MYO9B: variants seen among roughly 807,000 people sequenced by gnomAD.
MYO9B encodes unconventional myosin-IXb.
Under a neutral mutation model 229.5 loss-of-function variants are expected in MYO9B, and 71 were observed. The ratio of observed to expected loss-of-function variants is 0.31; its 90% CI spans 0.26 to 0.38. The LOEUF is 0.38. MYO9B is among the 10% of genes least tolerant of loss of function. The pLI is 1.00. For synonymous variants in MYO9B, 1,185 were observed against 1,235.8 expected (o/e 0.96, Z 0.86); for missense variants, 2,255 against 2,920.5 (o/e 0.77, Z 5.25).
chr19:17,153,476 C>G (rs1489471632), intron 4 of MYO9B, among the ~76,000 whole-genome samples: 1 of 150,812 alleles, frequency 6.6e-6, no homozygotes, highest in African/African-American at 2.4e-5. Flanking sequence ...CACATGAACC[C>G]AGGAGTTCGA....
chr19:17,203,007 G>T, intron 29 of MYO9B, 124 bp downstream of exon 29: 1 of 1,397,908 alleles, frequency 7.2e-7, no homozygotes, highest in South Asian at 1.3e-5. Context: ...GGACACGTGT[G>T]AGTGTGTTTT....
chr19:17,128,306 G>A (rs1426852466), intron 2 of MYO9B, among the ~76,000 whole-genome samples: 2 of 152,046 alleles, frequency 1.3e-5, no homozygotes, highest in African/African-American at 4.8e-5. Context: ...CGGGAGGATC[G>A]CTTAAGCCCA....
chr19:17,153,829 A>G lies in MYO9B; in HGVS notation c.999-138A>G, dbSNP rs114259211. Reference sequence around the variant, plus strand: ...TTGTTTTGTTTTGTTTTTTTAAGACATAGTAAGAACTGACGTACTGTTTTA... The same window carrying G: ...TTGTTTTGTTTTGTTTTTTTAAGACGTAGTAAGAACTGACGTACTGTTTTA... On this transcript the variant is annotated intron_variant, in intron 4 of 39. Coordinates refer to ENST00000682292, the MANE Select transcript of MYO9B (RefSeq NM_004145.4). 0.01 allele frequency: 6,495 copies of G among 642,188 alleles called. 334 individuals carry two copies. The African/African-American group carries it at 0.11, about 10-fold the overall frequency. The allele number at this position is 642,188 out of a possible 1,614,324, so 39.8% of individuals were successfully genotyped here.
chr19:17,144,376 G>A (rs991531268), intron 2 of MYO9B, among the ~76,000 whole-genome samples: 3 of 151,650 alleles, frequency 2.0e-5, no homozygotes, highest in Admixed American at 6.6e-5. Flanking sequence ...AGACCGAGGC[G>A]GGTGGATCAC....
Position 17,185,913 on chromosome 19 carries a change from CT to C in MYO9B, c.2497-6del. On this transcript the variant is annotated splice_region_variant and splice_polypyrimidine_tract_variant and intron_variant, in intron 17 of 39. Transcript: ENST00000682292. The stretch of plus-strand genomic sequence containing the variant: ...TTCAACCCAAATGCTTTCTCTTTCC[CT>C]TAACAGACATCCCTTAACAAGCTCT... 6.2e-7 allele frequency: 1 copy of C among 1,613,034 alleles called. No homozygotes were observed.
chr19:17,086,471 G>A (rs1450443572), intron 1 of MYO9B, among the ~76,000 whole-genome samples: 1 of 152,160 alleles, frequency 6.6e-6, no homozygotes, highest in Admixed American at 6.6e-5. Context: ...GGCTCGTATT[G>A]GGGCCAATTA....
At chr19:17,162,314 C>T (rs368359790) in intron 8 of MYO9B, 36 bp from the exon 9 acceptor site, 65 of 1,512,026 alleles carry the variant, frequency 4.3e-5, no homozygotes, top group Non-Finnish European at 5.5e-5. Context: ...CAGGGCCTGC[C>T]GTGCCGGAGG....
At chr19:17,140,679 G>A (rs1173535378) in intron 2 of MYO9B, among the ~76,000 whole-genome samples, 1 of 151,506 alleles carries the variant, frequency 6.6e-6, no homozygotes, top group Non-Finnish European at 1.5e-5. Context: ...GTAGAGACAG[G>A]GTTTCTCCAT....
intron 30 of MYO9B, 83 bp from the exon 31 acceptor site, chr19:17,205,180 G>T: frequency 9.3e-7 from 1 of 1,073,654 alleles, no homozygotes; most frequent in Non-Finnish European, 1.4e-6. Context: ...GGCAATTGGC[G>T]GCCCCCGGCC....
intron 2 of MYO9B, among the ~76,000 whole-genome samples, chr19:17,131,770 T>C (rs116437138): frequency 1.3e-3 from 195 of 152,280 alleles, no homozygotes; most frequent in African/African-American, 4.5e-3. Context: ...GCCTCTACGT[T>C]AGTTTTACCT....
At chr19:17,200,000 T>C (rs1056647926) in intron 24 of MYO9B, among the ~76,000 whole-genome samples, 7 of 152,116 alleles carry the variant, frequency 4.6e-5, no homozygotes, top group Non-Finnish European at 8.8e-5. Context: ...ACCTCCCAAG[T>C]AGCTGGGACT....
intron 2 of MYO9B, among the ~76,000 whole-genome samples, chr19:17,130,421 T>A (rs10412503): frequency 0.012 from 1,833 of 151,928 alleles, 46 homozygotes; most frequent in African/African-American, 0.04. Context: ...TCGTAGACCA[T>A]CCTGGCTAAC....
chr19:17,102,420 A>G lies in MYO9B; in HGVS notation c.703A>G (p.Ile235Val), dbSNP rs755021698. ...TMLRKRVNQC[I>V]VISGESGSGK... is the part of the protein sequence containing the mutation. ...GCTCAGGAAGCGCGTGAACCAGTGC[A>G]TCGTGATCTCGGGTGAGAGCGGCTC... The change falls in exon 2 of 40, where the codon ATC becomes GTC. Residue 235 changes from isoleucine to valine, a missense_variant. By Grantham distance (29) the Ile-to-Val change is conservative (BLOSUM62 3). Coordinates refer to ENST00000682292, the MANE Select transcript of MYO9B (RefSeq NM_004145.4). 1.9e-6 allele frequency: 3 copies of G among 1,613,972 alleles called. No individual in the cohort carries two copies. Among genetic ancestry groups the G allele is most frequent in the South Asian group, 1.1e-5 (1 of 91,080 alleles).
At chr19:17,161,583 A>C (rs1359524944) in intron 8 of MYO9B, among the ~76,000 whole-genome samples, 2 of 152,164 alleles carry the variant, frequency 1.3e-5, no homozygotes, top group African/African-American at 4.8e-5. Flanking sequence ...TGGGAGGCCA[A>C]GGCAGGCAGA....
chr19:17,196,973 G>A lies in MYO9B; in HGVS notation c.4047-819G>A, dbSNP rs560573512. Among the ~76,000 whole-genome samples the A allele has an allele frequency of 1.2e-4, 18 of 151,970 alleles. No individual in the cohort carries two copies. The South Asian group carries it at 3.3e-3, about 28-fold the overall frequency. On this transcript the variant is annotated intron_variant, in intron 22 of 39. Coordinates refer to ENST00000682292, the MANE Select transcript of MYO9B (RefSeq NM_004145.4). ...AGGAAGATAGAGATGATGGAGGGAC[G>A]GATGGGTAGAAGATAGGTAGAGCCG...
intron 2 of MYO9B, among the ~76,000 whole-genome samples, chr19:17,116,193 G>A (rs2057901752): frequency 6.6e-6 from 1 of 152,218 alleles, no homozygotes; most frequent in African/African-American, 2.4e-5. Context: ...GAGATCGCGT[G>A]CATCCTGCCT....
At chr19:17,185,488 G>A (rs1000601957) in intron 17 of MYO9B, among the ~76,000 whole-genome samples, 4 of 151,252 alleles carry the variant, frequency 2.6e-5, no homozygotes, top group South Asian at 2.1e-4. Flanking sequence ...GGAGGCTGTA[G>A]TGAGCCAAGA....
At chr19:17,120,214 G>A (rs2057949093) in intron 2 of MYO9B, among the ~76,000 whole-genome samples, 1 of 152,206 alleles carries the variant, frequency 6.6e-6, no homozygotes, top group Non-Finnish European at 1.5e-5. Context: ...AGTGCCTGCT[G>A]TGGCTTCCCC....
At chr19:17,186,090 G>A (rs2072916605) in intron 18 of MYO9B, 89 bp downstream of exon 18, 7 of 1,161,894 alleles carry the variant, frequency 6.0e-6, no homozygotes, top group South Asian at 3.8e-5. Flanking sequence ...CAGCCTCCAC[G>A]CAGTATGGGG....
Sources: allele counts gnomAD v4.1 joint callset (sites outside exome capture counted in the v4.1 genomes callset), GRCh38; gene constraint gnomAD v4.1.1; transcripts MANE v1.5; gene names NCBI Gene and HGNC (gene_info 2026-07-23, HGNC 2026-07-21).